The following PDZRN3 variants were observed in gnomAD, a reference collection of about 807,000 sequenced individuals.
The protein encoded by PDZRN3 is E3 ubiquitin-protein ligase PDZRN3.
PDZRN3 carries 38 observed loss-of-function variants against 85.7 expected under a neutral mutation model. The ratio of observed to expected loss-of-function variants is 0.44; its 90% CI spans 0.34 to 0.58. PDZRN3 has a LOEUF of 0.58. PDZRN3 is among the 20% of genes least tolerant of loss of function. The pLI is 0.01. For missense variants in PDZRN3, 1,629 were observed against 1,506.4 expected, an observed-to-expected ratio of 1.08 and a Z score of -1.35; for synonymous variants, 759 against 638.0, an observed-to-expected ratio of 1.19 and a Z score of -2.86.
At chr3:73,425,100 C>G (rs1702285849) in intron 3 of PDZRN3, among the ~76,000 whole-genome samples, 1 of 151,710 alleles carries the variant, frequency 6.6e-6, no homozygotes, top group African/African-American at 2.4e-5. Flanking sequence ...CTGCAAGCTC[C>G]ACCTCCCAGG....
intron 3 of PDZRN3, chr3:73,474,459 T>C (rs913844185): frequency 1.8e-5 from 23 of 1,283,330 alleles, no homozygotes; most frequent in Non-Finnish European, 2.3e-5. Context: ...ACTCACCAAA[T>C]ACCATCTTCC....
At chr3:73,474,665 C>A in intron 3 of PDZRN3, 1 of 1,119,510 alleles carries the variant, frequency 8.9e-7, no homozygotes, top group Non-Finnish European at 1.1e-6. Flanking sequence ...CTTTTAAGAT[C>A]ACAGAATAGG....
intron 3 of PDZRN3, among the ~76,000 whole-genome samples, chr3:73,456,184 ATGTGTGTGTGTGTGTG>A (rs10608893): frequency 6.6e-6 from 1 of 150,644 alleles, no homozygotes; most frequent in Non-Finnish European, 1.5e-5. Flanking sequence ...GAGAAGAAAA[ATGTGTGTGTGTGTGTG>A]TGTGTGTGTG....
At chr3:73,522,945 T>C (rs760644978) in intron 3 of PDZRN3, among the ~76,000 whole-genome samples, 1 of 152,252 alleles carries the variant, frequency 6.6e-6, no homozygotes, top group Non-Finnish European at 1.5e-5. Context: ...TGAAAAGTTA[T>C]GATAGCACAG....
At chr3:73,435,157 A>C (rs1575652217) in intron 3 of PDZRN3, among the ~76,000 whole-genome samples, 1 of 152,232 alleles carries the variant, frequency 6.6e-6, no homozygotes, top group African/African-American at 2.4e-5. Flanking sequence ...TGAGACGTGA[A>C]TAAACCAGTC....
At chr3:73,474,708 C>A (rs1703414978) in intron 3 of PDZRN3, 1 of 827,036 alleles carries the variant, frequency 1.2e-6, no homozygotes, top group African/African-American at 1.8e-5. Context: ...CAGCAGGAGC[C>A]CCATCCATTT....
chr3:73,558,357 T>G (rs1349266947), intron 3 of PDZRN3, among the ~76,000 whole-genome samples: 1 of 152,254 alleles, frequency 6.6e-6, no homozygotes, highest in African/African-American at 2.4e-5. Flanking sequence ...CTAAGTATCA[T>G]GGCAAGATTC....
chr3:73,486,747 G>A (rs1450490901), intron 3 of PDZRN3, among the ~76,000 whole-genome samples: 1 of 152,170 alleles, frequency 6.6e-6, no homozygotes, highest in Non-Finnish European at 1.5e-5. Flanking sequence ...AAGATATTTT[G>A]TTTTGTGATT....
chr3:73,571,661 C>T (rs924743308), intron 3 of PDZRN3, among the ~76,000 whole-genome samples: 1 of 152,192 alleles, frequency 6.6e-6, no homozygotes, highest in African/African-American at 2.4e-5. Context: ...GCCGCAGCTG[C>T]CGGGGTGAGA....
chr3:73,458,914 C>A (rs770041707), intron 3 of PDZRN3, among the ~76,000 whole-genome samples: 4 of 151,684 alleles, frequency 2.6e-5, no homozygotes, highest in African/African-American at 9.7e-5. Context: ...ATCGATTCAA[C>A]CCGGGAGGTG....
chr3:73,451,220 A>G (rs1338253800), intron 3 of PDZRN3, among the ~76,000 whole-genome samples: 1 of 152,184 alleles, frequency 6.6e-6, no homozygotes. Flanking sequence ...TCCACAGGCA[A>G]TATAGTAATT....
chr3:73,403,974 C>T (rs773827175), intron 4 of PDZRN3, among the ~76,000 whole-genome samples, 174 bp downstream of exon 4: 3 of 152,064 alleles, frequency 2.0e-5, no homozygotes, highest in Admixed American at 6.6e-5. Flanking sequence ...ATTAATATGT[C>T]GGAGCGGTTT....
At chr3:73,524,525 G>A (rs1054071018) in intron 3 of PDZRN3, among the ~76,000 whole-genome samples, 12 of 152,220 alleles carry the variant, frequency 7.9e-5, no homozygotes, top group African/African-American at 2.9e-4. Flanking sequence ...TGTACTGCAA[G>A]TGGCACGGTC....
intron 3 of PDZRN3, among the ~76,000 whole-genome samples, chr3:73,467,456 G>T (rs147066186): frequency 2.0e-5 from 3 of 152,248 alleles, no homozygotes; most frequent in African/African-American, 7.2e-5. Flanking sequence ...TTCCTGCCTA[G>T]ATGTTCTACA....
chr3:73,500,005 T>A (rs1223149079), intron 3 of PDZRN3, among the ~76,000 whole-genome samples: 1 of 152,160 alleles, frequency 6.6e-6, no homozygotes, highest in African/African-American at 2.4e-5. Flanking sequence ...TCTTTCATTA[T>A]TTGGAAAACC....
intron 7 of PDZRN3, among the ~76,000 whole-genome samples, chr3:73,389,530 A>G (rs1489525643): frequency 6.6e-6 from 1 of 152,154 alleles, no homozygotes; most frequent in Admixed American, 6.5e-5. Context: ...TTTGATCCAA[A>G]CAGAATGAAA....
chr3:73,517,296 C>A (rs965825156), intron 3 of PDZRN3, among the ~76,000 whole-genome samples: 1 of 152,200 alleles, frequency 6.6e-6, no homozygotes. Context: ...GAACAAATCA[C>A]AGTTTCTTTT....
intron 3 of PDZRN3, among the ~76,000 whole-genome samples, chr3:73,439,895 C>T (rs918770552): frequency 1.3e-5 from 2 of 150,700 alleles, no homozygotes; most frequent in Non-Finnish European, 2.9e-5. Context: ...TGCACCACCA[C>T]ATCAAGCTAA....
In PDZRN3 at chr3:73,437,937, T is replaced by C. The variant is rs113157554; in HGVS notation, c.919-33542A>G. 5.0e-3 allele frequency among the ~76,000 whole-genome samples: 765 copies of C among 152,288 alleles called. 4 individuals are homozygous for C. Among genetic ancestry groups the C allele is most frequent in the African/African-American group, 0.017 (714 of 41,556 alleles). On this transcript the variant is annotated intron_variant, in intron 3 of 9. Coordinates refer to ENST00000263666, the MANE Select transcript of PDZRN3 (RefSeq NM_015009.3). ...AGTCTGTTAGTGATTGCAAGTTGTT[T>C]ATAATAGAACTGTTTTTGAGAGAAC...
Sources: allele counts gnomAD v4.1 joint callset (sites outside exome capture counted in the v4.1 genomes callset), GRCh38; gene constraint gnomAD v4.1.1; transcripts MANE v1.5; gene names NCBI Gene and HGNC (gene_info 2026-07-23, HGNC 2026-07-21).